The following HYCC1 variants were observed in gnomAD, a reference collection of about 807,000 sequenced individuals.
HYCC1 encodes hyccin PI4KA lipid kinase complex subunit 1.
At chr7:22,958,583 T>C in the HYCC1 span, among the ~76,000 whole-genome samples, 1 of 152,124 alleles carries the variant, frequency 6.6e-6, no homozygotes, top group African/African-American at 2.4e-5. Flanking sequence ...ATCTGGAAGA[T>C]ATGTAAGAAT....
chr7:22,950,809 T>C, the HYCC1 span, among the ~76,000 whole-genome samples: 2 of 151,766 alleles, frequency 1.3e-5, no homozygotes, highest in South Asian at 4.1e-4. Context: ...TGTAAGGGAA[T>C]ATAAATGCAT....
chr7:22,900,184 G>C, the HYCC1 span, among the ~76,000 whole-genome samples: 1 of 152,118 alleles, frequency 6.6e-6, no homozygotes, highest in Admixed American at 6.5e-5. Flanking sequence ...TCCTTTATTA[G>C]TAAGATAATT....
the HYCC1 span, chr7:22,935,678 C>T: frequency 6.6e-6 from 1 of 152,114 alleles, no homozygotes; most frequent in Non-Finnish European, 1.5e-5. Flanking sequence ...CAGAGTCTTC[C>T]TCTGTTGCCC....
the HYCC1 span, among the ~76,000 whole-genome samples, chr7:22,898,752 G>A: frequency 1.3e-5 from 2 of 151,246 alleles, no homozygotes; most frequent in African/African-American, 4.9e-5. Context: ...ACAGGCGCCC[G>A]CCACCACACC....
the HYCC1 span, among the ~76,000 whole-genome samples, chr7:22,952,903 A>G: frequency 1.9e-4 from 29 of 152,054 alleles, no homozygotes; most frequent in African/African-American, 6.5e-4. Flanking sequence ...CTGAAGCAGT[A>G]AGTAGTCTTT....
the HYCC1 span, chr7:22,977,431 T>A: frequency 2.1e-6 from 3 of 1,427,828 alleles, no homozygotes; most frequent in Non-Finnish European, 3.0e-6. Context: ...CCTATAGAAG[T>A]GAAAGAAAAT....
At chr7:22,909,446 C>T in the HYCC1 span, among the ~76,000 whole-genome samples, 1 of 152,132 alleles carries the variant, frequency 6.6e-6, no homozygotes, top group South Asian at 2.1e-4. Flanking sequence ...TATTAATTAC[C>T]CAGTCTCAAG....
chr7:23,006,678 T>C, the HYCC1 span, among the ~76,000 whole-genome samples: 1 of 152,224 alleles, frequency 6.6e-6, no homozygotes, highest in African/African-American at 2.4e-5. Flanking sequence ...ATCTTCATGG[T>C]ACAGTTTAAT....
the HYCC1 span, among the ~76,000 whole-genome samples, chr7:22,918,884 A>G: frequency 2.0e-5 from 3 of 152,236 alleles, no homozygotes; most frequent in South Asian, 2.1e-4. Context: ...TTTATTGCTC[A>G]AAGAAAACTT....
the HYCC1 span, among the ~76,000 whole-genome samples, chr7:22,958,639 AT>A: frequency 2.6e-5 from 4 of 151,972 alleles, no homozygotes; most frequent in African/African-American, 9.7e-5. Flanking sequence ...TTGTTTTGTA[AT>A]TTTTTTCCTA....
chr7:22,899,865 T>A, the HYCC1 span, among the ~76,000 whole-genome samples: 2 of 152,162 alleles, frequency 1.3e-5, no homozygotes, highest in African/African-American at 4.8e-5. Flanking sequence ...GCTTTTTTTT[T>A]AAAGAAAAGT....
the HYCC1 span, chr7:22,976,431 A>C: frequency 1.4e-6 from 1 of 711,658 alleles, no homozygotes; most frequent in Non-Finnish European, 2.4e-6. Context: ...GTATAAGCAC[A>C]CCAATAATGA....
At chr7:22,984,149 GAGA>G in the HYCC1 span, 17 of 709,738 alleles carry the variant, frequency 2.4e-5, no homozygotes, top group Non-Finnish European at 2.2e-5. Context: ...CTGCAGATGG[GAGA>G]AGAAGATTAG....
chr7:22,971,096 G>GACACC, the HYCC1 span, among the ~76,000 whole-genome samples: 1 of 151,786 alleles, frequency 6.6e-6, no homozygotes, highest in Non-Finnish European at 1.5e-5. Flanking sequence ...ATTCTCTGGT[G>GACACC]AGAGACATGT....
At chr7:22,990,982 A>G in the HYCC1 span, 1 of 954,900 alleles carries the variant, frequency 1.0e-6, no homozygotes, top group African/African-American at 1.6e-5. Context: ...GTCATATAAA[A>G]TACAAAAATC....
chr7:22,984,868 T>C, the HYCC1 span, among the ~76,000 whole-genome samples: 2 of 152,106 alleles, frequency 1.3e-5, no homozygotes, highest in African/African-American at 4.8e-5. Context: ...CCATTTAAAA[T>C]ACAGACAACT....
chr7:22,932,502 T>G, the HYCC1 span, among the ~76,000 whole-genome samples: 2 of 152,196 alleles, frequency 1.3e-5, no homozygotes, highest in Admixed American at 1.3e-4. Flanking sequence ...TCTCTTATGT[T>G]TGTCCCACCA....
At chr7:22,996,771 A>G in the HYCC1 span, among the ~76,000 whole-genome samples, 1 of 152,116 alleles carries the variant, frequency 6.6e-6, no homozygotes, top group Non-Finnish European at 1.5e-5. Context: ...GGCTCTCTAC[A>G]AGTTGCTAAC....
the HYCC1 span, among the ~76,000 whole-genome samples, chr7:22,956,094 T>C: frequency 4.6e-5 from 7 of 151,868 alleles, no homozygotes; most frequent in East Asian, 3.9e-4. Context: ...TCTAAACTTA[T>C]TGAATGCTTT....
Sources: gnomAD v4.1 joint callset for allele counts (sites outside exome capture counted in the v4.1 genomes callset) on GRCh38, gnomAD v4.1.1 for gene constraint, MANE v1.5 for transcripts, NCBI Gene and HGNC (gene_info 2026-07-23, HGNC 2026-07-21) for gene names.